YEATS4: variants seen among roughly 807,000 people sequenced by gnomAD.
YEATS4 encodes YEATS domain-containing protein 4.
YEATS4 carries 17 observed loss-of-function variants against 30.1 expected under a neutral mutation model. That is an observed-to-expected ratio of 0.56 (90% confidence interval 0.39 to 0.85). The LOEUF (loss-of-function observed/expected upper bound fraction) is 0.85. Among genes scored for constraint, YEATS4 ranks in the 40% least tolerant of loss-of-function variants. YEATS4 has a pLI of 0.00. For synonymous variants in YEATS4, 85 were observed against 87.5 expected, an observed-to-expected ratio of 0.97 and a Z score of 0.16; for missense variants, 142 against 268.3, an observed-to-expected ratio of 0.53 and a Z score of 3.29.
chr12:69,369,452 T>G (rs926305079), intron 4 of YEATS4, among the ~76,000 whole-genome samples: 1 of 152,192 alleles, frequency 6.6e-6, no homozygotes, highest in Non-Finnish European at 1.5e-5. Flanking sequence ...AAGGTAGATA[T>G]GCTTTCTTGT....
intron 4 of YEATS4, 91 bp from the exon 5 acceptor site, chr12:69,370,615 T>A: frequency 9.5e-7 from 1 of 1,053,262 alleles, no homozygotes; most frequent in Non-Finnish European, 1.3e-6. Context: ...TGTATATACT[T>A]ATTCCAGTCT....
chr12:69,419,825 A>G, the YEATS4 span, among the ~76,000 whole-genome samples: 17 of 152,242 alleles, frequency 1.1e-4, no homozygotes, highest in Non-Finnish European at 2.5e-4. Flanking sequence ...GACATTTGAG[A>G]AAGGCCTCAG....
chr12:69,362,737 A>C, intron 1 of YEATS4, 51 bp from the exon 2 acceptor site: 16 of 1,394,132 alleles, frequency 1.1e-5, no homozygotes, highest in African/African-American at 1.5e-5. Context: ...TATTCTGCAT[A>C]TTTAGCTAAT....
intron 6 of YEATS4, 145 bp from the exon 7 acceptor site, chr12:69,390,002 G>C (rs1320813840): frequency 3.4e-6 from 2 of 590,686 alleles, no homozygotes; most frequent in Non-Finnish European, 5.5e-6. Context: ...CCCCCAACCT[G>C]CACCCATGTT....
the YEATS4 span, among the ~76,000 whole-genome samples, chr12:69,408,518 T>G: frequency 2.0e-5 from 3 of 152,234 alleles, no homozygotes; most frequent in African/African-American, 4.8e-5. Flanking sequence ...GTTTGAAGTT[T>G]TTGATACATG....
At chr12:69,370,648 A>T in intron 4 of YEATS4, 58 bp from the exon 5 acceptor site, 1 of 1,360,284 alleles carries the variant, frequency 7.4e-7, no homozygotes, top group Non-Finnish European at 9.9e-7. Context: ...AAAAAATGCC[A>T]GTATCTTATG....
the YEATS4 span, among the ~76,000 whole-genome samples, chr12:69,424,352 A>G: frequency 6.6e-6 from 1 of 152,172 alleles, no homozygotes; most frequent in Non-Finnish European, 1.5e-5. Flanking sequence ...AGGAGACAGG[A>G]TGCATACTCT....
At chr12:69,362,013 G>GTTTTTTTTTTTTTTTTTTTTTTTTT (rs533225716) in intron 1 of YEATS4, among the ~76,000 whole-genome samples, 6 of 69,078 alleles carry the variant, frequency 8.7e-5, no homozygotes, top group Admixed American at 3.2e-4. Flanking sequence ...GTGTTTGGTT[G>GTTTTTTTTTTTTTTTTTTTTTTTTT]TTTTTTTTTT....
At chr12:69,395,402 A>G (rs1313441966), downstream of YEATS4, among the ~76,000 whole-genome samples, 4 of 152,210 alleles carry the variant, frequency 2.6e-5, no homozygotes, top group Non-Finnish European at 5.9e-5. Context: ...TGTGGTTGTC[A>G]AAATGAATAA....
intron 4 of YEATS4, among the ~76,000 whole-genome samples, 178 bp from the exon 5 acceptor site, chr12:69,370,528 T>C (rs906468316): frequency 3.3e-5 from 5 of 152,184 alleles, no homozygotes; most frequent in Non-Finnish European, 7.4e-5. Flanking sequence ...ATGGATCTAA[T>C]AGGAAAATAA....
chr12:69,383,176 A>G (rs1421092597), intron 6 of YEATS4, among the ~76,000 whole-genome samples: 1 of 152,008 alleles, frequency 6.6e-6, no homozygotes, highest in Non-Finnish European at 1.5e-5. Context: ...AGGTTGGGGG[A>G]TTACTTGAGC....
chr12:69,417,269 T>C, the YEATS4 span, among the ~76,000 whole-genome samples: 46,802 of 147,368 alleles, frequency 0.32, 7,723 homozygotes, highest in East Asian at 0.57. Context: ...GTGATCCTCC[T>C]GCCTCAGCCT....
At chr12:69,374,501 A>G (rs1415330146) in intron 6 of YEATS4, among the ~76,000 whole-genome samples, 4 of 152,104 alleles carry the variant, frequency 2.6e-5, no homozygotes, top group Non-Finnish European at 5.9e-5. Flanking sequence ...AGGGAAGGTC[A>G]GCAGATAAAC....
intron 1 of YEATS4, among the ~76,000 whole-genome samples, chr12:69,361,081 C>A (rs1487609800): frequency 6.6e-6 from 1 of 151,634 alleles, no homozygotes; most frequent in Non-Finnish European, 1.5e-5. Flanking sequence ...ACCTGTAATC[C>A]CAGCTACTAG....
chr12:69,390,697 A>C lies in YEATS4; in HGVS notation c.*381A>C, dbSNP rs1868307628. 1 of 153,402 alleles carries C rather than the reference A, an allele frequency of 6.5e-6. No homozygotes were observed. Among genetic ancestry groups the C allele is most frequent in the Non-Finnish European group, 1.5e-5 (1 of 68,696 alleles). 9.5% of individuals were successfully genotyped at this position (153,402 alleles called of 1,614,324 possible). Reference sequence around the variant, plus strand: ...GTGGCTAGAATTAGTGAAGAAACTTAATGTGTATATTTAATTTCTTCAAGT... The same window carrying C: ...GTGGCTAGAATTAGTGAAGAAACTTCATGTGTATATTTAATTTCTTCAAGT... On this transcript the variant is annotated 3_prime_UTR_variant, in exon 7 of 7. Coordinates refer to ENST00000247843, the MANE Select transcript of YEATS4 (RefSeq NM_006530.4).
At chr12:69,405,959 CA>C in the YEATS4 span, among the ~76,000 whole-genome samples, 4 of 152,180 alleles carry the variant, frequency 2.6e-5, no homozygotes, top group African/African-American at 9.7e-5. Flanking sequence ...GCTAACTTTG[CA>C]AATAAGCACA....
chr12:69,366,098 T>A (rs1334678854), intron 4 of YEATS4, among the ~76,000 whole-genome samples: 1 of 151,848 alleles, frequency 6.6e-6, no homozygotes, highest in African/African-American at 2.4e-5. Context: ...AATATGAACA[T>A]GTATTGGAAA....
the YEATS4 span, among the ~76,000 whole-genome samples, chr12:69,413,513 C>CG: frequency 1.2e-4 from 16 of 137,824 alleles, no homozygotes; most frequent in African/African-American, 4.2e-4. Flanking sequence ...CTTCAACGCC[C>CG]CCCCCATCTC....
chr12:69,393,144 T>G (rs1868328234), downstream of YEATS4, among the ~76,000 whole-genome samples: 1 of 152,204 alleles, frequency 6.6e-6, no homozygotes, highest in South Asian at 2.1e-4. Context: ...TTCAAACTCT[T>G]GAGATCAAAA....
Sources: allele counts gnomAD v4.1 joint callset (sites outside exome capture counted in the v4.1 genomes callset), GRCh38; gene constraint gnomAD v4.1.1; transcripts MANE v1.5; gene names NCBI Gene and HGNC (gene_info 2026-07-23, HGNC 2026-07-21).